Variants in VWC2 observed in about 807,000 individuals in gnomAD.
The protein encoded by VWC2 is von Willebrand factor C domain containing 2, also known as brorin.
A neutral mutation model predicts 29.8 loss-of-function variants in VWC2; 14 were observed. The ratio of observed to expected loss-of-function variants is 0.47; its 90% CI spans 0.31 to 0.74. The LOEUF (loss-of-function observed/expected upper bound fraction) is 0.74. Among genes scored for constraint, VWC2 ranks in the 30% least tolerant of loss-of-function variants. The pLI, the probability that VWC2 is intolerant of heterozygous loss-of-function variation, is 0.05. For missense variants in VWC2, 457 were observed against 459.8 expected, an observed-to-expected ratio of 0.99 and a Z score of 0.05; for synonymous variants, 213 against 199.0, an observed-to-expected ratio of 1.07 and a Z score of -0.59.
chr7:49,774,513 C>T (rs1232949668), intron 1 of VWC2, among the ~76,000 whole-genome samples: 1 of 152,334 alleles, frequency 6.6e-6, no homozygotes, highest in East Asian at 1.9e-4. Context: ...AGGAGGGTCT[C>T]GCGCCCACTC....
At chr7:49,832,315 C>A (rs1004923163) in intron 3 of VWC2, among the ~76,000 whole-genome samples, 20 of 152,114 alleles carry the variant, frequency 1.3e-4, no homozygotes, top group African/African-American at 4.6e-4. Flanking sequence ...ATTTGCTATT[C>A]TAGAATTGAG....
rs185954930 is a variant in VWC2, at chr7:49,909,995, G to A, written c.827-2039G>A. On this transcript the variant is annotated intron_variant, in intron 3 of 3. Coordinates refer to ENST00000340652, the MANE Select transcript of VWC2 (RefSeq NM_198570.5). ...GTGGTGGTGTGCTCCTCTGATCAGAGCTACTCAGGAGGCTAAGGTGGGAGG... is the reference window on the plus strand; with the variant it reads ...GTGGTGGTGTGCTCCTCTGATCAGAACTACTCAGGAGGCTAAGGTGGGAGG... Among the ~76,000 whole-genome samples, 393 of 152,052 alleles carry A rather than the reference G, an allele frequency of 2.6e-3. 1 individual carries two copies. Among genetic ancestry groups the A allele is most frequent in the Middle Eastern group, 0.017 (5 of 294 alleles).
At position 49,803,180 on chromosome 7, in the gene VWC2, G is replaced by A. The variant is rs559273285; in HGVS notation, c.826+340G>A. On this transcript the variant is annotated intron_variant, in intron 3 of 3. Transcript: ENST00000340652. ...AAGACACATTAAACACACTGGTTGG[G>A]CTCATTTACTTTTCATTACTAAGTG... 1.2e-3 allele frequency among the ~76,000 whole-genome samples: 186 copies of A among 152,258 alleles called. 1 individual carries two copies. The highest frequency in any genetic ancestry group is 4.3e-3 in the African/African-American group (178 of 41,560).
intron 3 of VWC2, among the ~76,000 whole-genome samples, chr7:49,886,199 AG>A (rs1791897809): frequency 6.6e-6 from 1 of 152,184 alleles, no homozygotes. Flanking sequence ...GAGGGAAGTG[AG>A]GGGACCTTGG....
At chr7:49,899,518 A>T (rs1271884220) in intron 3 of VWC2, among the ~76,000 whole-genome samples, 1 of 152,052 alleles carries the variant, frequency 6.6e-6, no homozygotes, top group East Asian at 1.9e-4. Context: ...ATAAAGGATA[A>T]GTAGCTATAT....
intron 3 of VWC2, among the ~76,000 whole-genome samples, chr7:49,845,632 A>G (rs1214806102): frequency 6.6e-6 from 1 of 152,220 alleles, no homozygotes; most frequent in African/African-American, 2.4e-5. Context: ...TCAAATACAG[A>G]AATTCCTAAC....
At chr7:49,777,816 A>G (rs1434584632) in intron 2 of VWC2, among the ~76,000 whole-genome samples, 1 of 152,174 alleles carries the variant, frequency 6.6e-6, no homozygotes, top group African/African-American at 2.4e-5. Flanking sequence ...TGTGGGTGCT[A>G]GAAGAGCTCA....
At chr7:49,906,297 C>G (rs1793084696) in intron 3 of VWC2, among the ~76,000 whole-genome samples, 1 of 152,010 alleles carries the variant, frequency 6.6e-6, no homozygotes, top group African/African-American at 2.4e-5. Context: ...CAAAAAAGAA[C>G]AAAGAGCTAA....
chr7:49,830,422 G>A (rs902686451), intron 3 of VWC2, among the ~76,000 whole-genome samples: 2 of 152,094 alleles, frequency 1.3e-5, no homozygotes, highest in Non-Finnish European at 2.9e-5. Flanking sequence ...TTCAAAATTC[G>A]TTAATTCACC....
At chr7:49,870,235 C>A (rs1394387809) in intron 3 of VWC2, among the ~76,000 whole-genome samples, 2 of 152,030 alleles carry the variant, frequency 1.3e-5, no homozygotes, top group Non-Finnish European at 2.9e-5. Flanking sequence ...TCCGTCTCTA[C>A]TAAAAATACA....
At chr7:49,815,579 T>C (rs745840198) in intron 3 of VWC2, among the ~76,000 whole-genome samples, 1 of 152,242 alleles carries the variant, frequency 6.6e-6, no homozygotes, top group Non-Finnish European at 1.5e-5. Context: ...TTTTCCACAA[T>C]GTATTATACT....
In VWC2 at chr7:49,913,535, T is replaced by C. The variant is rs1460300792; in HGVS notation, c.*1350T>C. On this transcript the variant is annotated 3_prime_UTR_variant, in exon 4 of 4. Coordinates refer to ENST00000340652, the MANE Select transcript of VWC2 (RefSeq NM_198570.5). ...ATATATAATCATTATTTGAAGCCTC[T>C]AAAGGTATTTTTCATATTTTTGTTT... 2 of 152,228 alleles carry C rather than the reference T, an allele frequency of 1.3e-5. No individual in the cohort carries two copies. The highest frequency in any genetic ancestry group is 4.8e-5 in the African/African-American group (2 of 41,450). 9.4% of individuals were successfully genotyped at this position (152,228 alleles called of 1,614,324 possible). A position where few individuals can be genotyped will look rare whatever the true frequency, so the allele number is the denominator to read the frequency against.
At chr7:49,891,241 A>G (rs1020373298) in intron 3 of VWC2, among the ~76,000 whole-genome samples, 4 of 152,336 alleles carry the variant, frequency 2.6e-5, no homozygotes, top group Non-Finnish European at 5.9e-5. Context: ...TAAGGCAAGA[A>G]GCATCTCTTG....
chr7:49,866,461 C>A (rs1484658178), intron 3 of VWC2, among the ~76,000 whole-genome samples: 1 of 152,224 alleles, frequency 6.6e-6, no homozygotes, highest in East Asian at 1.9e-4. Flanking sequence ...CCAAACCCTG[C>A]AGGCAAGCCC....
intron 3 of VWC2, among the ~76,000 whole-genome samples, chr7:49,842,301 G>C (rs879555255): frequency 6.6e-6 from 1 of 152,040 alleles, no homozygotes; most frequent in Non-Finnish European, 1.5e-5. Context: ...TTATCATTCA[G>C]GAAATAAAAA....
rs1437652468 is a variant in VWC2 at position 49,899,721 on chromosome 7, A to G, written c.827-12313A>G. Among the ~76,000 whole-genome samples, 4 of 151,990 alleles carry G rather than the reference A, an allele frequency of 2.6e-5. No homozygotes were observed. The East Asian group carries it at 7.7e-4, about 29-fold the overall frequency. ...AAGAAACAGGTGAATCCACTTTTATACTTGCATATTTCCACACCCCTCTAC... is the reference window on the plus strand; with the variant it reads ...AAGAAACAGGTGAATCCACTTTTATGCTTGCATATTTCCACACCCCTCTAC... On this transcript the variant is annotated intron_variant, in intron 3 of 3. Transcript: ENST00000340652.
rs150515831 is a variant in VWC2, at chr7:49,850,211, TC to T, written c.826+47372del. On this transcript the variant is annotated intron_variant, in intron 3 of 3. Coordinates refer to ENST00000340652, the MANE Select transcript of VWC2 (RefSeq NM_198570.5). ...CACAGTGGTCAGATAGGGTCTGTCA[TC>T]AATGAAGGTTTGACTGTAGTAACCT... Among the ~76,000 whole-genome samples, 26 of 152,312 alleles carry T rather than the reference TC, an allele frequency of 1.7e-4. No individual in the cohort carries two copies. The East Asian group carries it at 5.0e-3, about 29-fold the overall frequency.
At chr7:49,817,852 A>G (rs1417247564) in intron 3 of VWC2, among the ~76,000 whole-genome samples, 1 of 152,248 alleles carries the variant, frequency 6.6e-6, no homozygotes, top group Non-Finnish European at 1.5e-5. Context: ...AAGCATTATC[A>G]TATAGGGGGA....
At chr7:49,890,922 A>T (rs1476924158) in intron 3 of VWC2, among the ~76,000 whole-genome samples, 1 of 142,832 alleles carries the variant, frequency 7.0e-6, no homozygotes, top group Non-Finnish European at 1.6e-5. Context: ...GTAAACAGGC[A>T]TAAAAAAAAG....
Sources: gnomAD v4.1 joint callset for allele counts (sites outside exome capture counted in the v4.1 genomes callset) on GRCh38, gnomAD v4.1.1 for gene constraint, MANE v1.5 for transcripts, NCBI Gene and HGNC (gene_info 2026-07-23, HGNC 2026-07-21) for gene names.